Variants in RGS6 observed in about 807,000 individuals in gnomAD.
The protein encoded by RGS6 is regulator of G-protein signaling 6.
Under a neutral mutation model 78.5 loss-of-function variants are expected in RGS6, and 30 were observed. That is an observed-to-expected ratio of 0.38 (90% confidence interval 0.29 to 0.52). The LOEUF is 0.52. RGS6 is among the 20% of genes least tolerant of loss of function. The probability of loss-of-function intolerance (pLI) is 0.85; values close to 1 mark genes in which losing one functional copy is unlikely to be tolerated. For missense variants in RGS6, 495 were observed against 609.7 expected (o/e 0.81, Z 1.98); for synonymous variants, 206 against 206.0 (o/e 1.00, Z 0.00).
intron 2 of RGS6, among the ~76,000 whole-genome samples, chr14:72,234,231 A>G (rs1439521678): frequency 6.6e-6 from 1 of 152,022 alleles, no homozygotes; most frequent in Non-Finnish European, 1.5e-5. Flanking sequence ...ATGACCCCAC[A>G]TAGTGACTGT....
chr14:71,985,269 A>G (rs2094650126), intron 2 of RGS6, among the ~76,000 whole-genome samples: 1 of 152,100 alleles, frequency 6.6e-6, no homozygotes, highest in Non-Finnish European at 1.5e-5. Context: ...GACTACAGGC[A>G]TGTGCCACCA....
At chr14:72,529,396 C>T (rs1328071372) in intron 15 of RGS6, among the ~76,000 whole-genome samples, 1 of 152,118 alleles carries the variant, frequency 6.6e-6, no homozygotes, top group African/African-American at 2.4e-5. Flanking sequence ...GTGGTGAGAC[C>T]ACCTCATGGG....
At chr14:72,077,908 T>C (rs552432382) in intron 2 of RGS6, among the ~76,000 whole-genome samples, 5 of 152,348 alleles carry the variant, frequency 3.3e-5, no homozygotes, top group African/African-American at 9.6e-5. Context: ...TGTCTGTCTT[T>C]ATCCCTCTAA....
At chr14:72,046,118 A>G (rs1025589804) in intron 2 of RGS6, among the ~76,000 whole-genome samples, 1 of 150,386 alleles carries the variant, frequency 6.6e-6, no homozygotes, top group South Asian at 2.1e-4. Flanking sequence ...CATTAAAGTC[A>G]TTTTTCTCCC....
chr14:72,374,243 C>T (rs937423737), intron 3 of RGS6, among the ~76,000 whole-genome samples: 1 of 150,268 alleles, frequency 6.7e-6, no homozygotes, highest in Non-Finnish European at 1.5e-5. Flanking sequence ...TCCCCCCTCC[C>T]CCCACCCCAC....
chr14:72,143,777 T>C (rs2096572118), intron 2 of RGS6, among the ~76,000 whole-genome samples: 1 of 152,360 alleles, frequency 6.6e-6, no homozygotes, highest in East Asian at 1.9e-4. Flanking sequence ...TAGAGTATTA[T>C]TGATGGTCTG....
intron 2 of RGS6, among the ~76,000 whole-genome samples, chr14:72,163,775 C>T (rs1357918604): frequency 6.6e-6 from 1 of 151,348 alleles, no homozygotes; most frequent in African/African-American, 2.4e-5. Flanking sequence ...CGCAACTACT[C>T]AGGAGGCTGA....
intron 2 of RGS6, among the ~76,000 whole-genome samples, chr14:72,166,409 C>A (rs2096928572): frequency 6.6e-6 from 1 of 151,986 alleles, no homozygotes; most frequent in South Asian, 2.1e-4. Context: ...ATTTCTATGA[C>A]AAAGCAAAAT....
intron 2 of RGS6, among the ~76,000 whole-genome samples, chr14:71,999,404 C>A (rs958121334): frequency 6.6e-6 from 1 of 152,198 alleles, no homozygotes; most frequent in Non-Finnish European, 1.5e-5. Flanking sequence ...GCATACAAGG[C>A]ATTTTTGACA....
the RGS6 span, among the ~76,000 whole-genome samples, chr14:72,605,365 G>T: frequency 6.6e-6 from 1 of 152,260 alleles, no homozygotes; most frequent in Non-Finnish European, 1.5e-5. Flanking sequence ...GCGCTTGCAC[G>T]CAGAGGAGAG....
At chr14:71,918,113 G>A in the RGS6 span, among the ~76,000 whole-genome samples, 4 of 147,978 alleles carry the variant, frequency 2.7e-5, no homozygotes, top group Non-Finnish European at 6.0e-5. Context: ...CCCGGGGGGC[G>A]GAGCTTGCAG....
intron 3 of RGS6, among the ~76,000 whole-genome samples, chr14:72,446,269 T>C (rs1361965412): frequency 1.3e-5 from 2 of 152,154 alleles, no homozygotes; most frequent in Non-Finnish European, 2.9e-5. Flanking sequence ...TAAATTGCTG[T>C]TGTCTAAGCC....
At chr14:72,119,011 A>G (rs2095980380) in intron 2 of RGS6, among the ~76,000 whole-genome samples, 1 of 152,154 alleles carries the variant, frequency 6.6e-6, no homozygotes, top group Admixed American at 6.6e-5. Flanking sequence ...TTTTGGATAG[A>G]TATTATCTAT....
At chr14:72,510,029 C>T in intron 13 of RGS6, 125 bp from the exon 14 acceptor site, 1 of 1,094,176 alleles carries the variant, frequency 9.1e-7, no homozygotes, top group Admixed American at 2.6e-5. Context: ...AGAATCTGCC[C>T]CTTAAATATG....
chr14:72,413,085 C>T (rs1010556346), intron 3 of RGS6, among the ~76,000 whole-genome samples: 25 of 152,154 alleles, frequency 1.6e-4, no homozygotes, highest in African/African-American at 4.1e-4. Context: ...CTATTAGGTC[C>T]GCTTGGTGCA....
At chr14:72,220,547 A>T (rs1459474129) in intron 2 of RGS6, among the ~76,000 whole-genome samples, 1 of 152,180 alleles carries the variant, frequency 6.6e-6, no homozygotes, top group Non-Finnish European at 1.5e-5. Flanking sequence ...GCTTTGGTTA[A>T]TTGGAGTGAA....
chr14:72,185,326 C>A (rs1390737851), intron 2 of RGS6, among the ~76,000 whole-genome samples: 1 of 152,074 alleles, frequency 6.6e-6, no homozygotes, highest in African/African-American at 2.4e-5. Context: ...ACTTTGCATT[C>A]TTCAATCTAA....
intron 1 of RGS6, among the ~76,000 whole-genome samples, chr14:71,961,063 G>A (rs930501350): frequency 6.6e-6 from 1 of 152,216 alleles, no homozygotes; most frequent in African/African-American, 2.4e-5. Context: ...TAAATGATGA[G>A]TTCCAAAGAA....
chr14:71,873,720 C>T, the RGS6 span, among the ~76,000 whole-genome samples: 7 of 152,136 alleles, frequency 4.6e-5, no homozygotes, highest in African/African-American at 1.7e-4. Flanking sequence ...CTTGCCCATG[C>T]CTATGTCCTG....
Sources: gnomAD v4.1 joint callset for allele counts (sites outside exome capture counted in the v4.1 genomes callset) on GRCh38, gnomAD v4.1.1 for gene constraint, MANE v1.5 for transcripts, NCBI Gene and HGNC (gene_info 2026-07-23, HGNC 2026-07-21) for gene names.